Variants in ELOVL6 observed in about 807,000 individuals in gnomAD.
The protein encoded by ELOVL6 is ELOVL fatty acid elongase 6.
ELOVL6 carries 8 observed loss-of-function variants against 31.7 expected under a neutral mutation model. The ratio of observed to expected loss-of-function variants is 0.25; its 90% confidence interval spans 0.15 to 0.45. The LOEUF (loss-of-function observed/expected upper bound fraction) is 0.45. Ranked by LOEUF, ELOVL6 falls within the 20% of genes least tolerant of loss-of-function variation. The pLI, the probability that ELOVL6 is intolerant of heterozygous loss-of-function variation, is 1.00. For missense variants in ELOVL6, 126 were observed against 326.4 expected (o/e 0.39, Z 4.73); for synonymous variants, 101 against 117.7 (o/e 0.86, Z 0.92).
At chr4:110,186,093 G>A (rs1364178246) in intron 1 of ELOVL6, among the ~76,000 whole-genome samples, 1 of 152,104 alleles carries the variant, frequency 6.6e-6, no homozygotes, top group African/African-American at 2.4e-5. Flanking sequence ...AGGAGGCTGA[G>A]GCAGAAGAAT....
In ELOVL6 at chr4:110,091,042, C is replaced by T. The variant is rs148016705; in HGVS notation, c.221+14455G>A. 1.2e-3 allele frequency among the ~76,000 whole-genome samples: 184 copies of T among 152,224 alleles called. 1 individual carries two copies. In the South Asian group the frequency reaches 0.014, roughly 12 times the overall value. ...AGGATCAATACAATATTCACAGGTT[C>T]GGCAAATGGAGAGAAACAGACATAG... On this transcript the variant is annotated intron_variant, in intron 2 of 3. Transcript: ENST00000302274.
At chr4:110,063,614 A>C (rs562082234) in intron 2 of ELOVL6, among the ~76,000 whole-genome samples, 1 of 152,332 alleles carries the variant, frequency 6.6e-6, no homozygotes, top group East Asian at 1.9e-4. Context: ...TTCAAGTGAA[A>C]TGTATCTTTC....
intron 2 of ELOVL6, chr4:110,093,165 T>C (rs770123289): frequency 4.1e-5 from 18 of 439,672 alleles, no homozygotes; most frequent in South Asian, 2.8e-4. Context: ...AGAAGTCATA[T>C]TTTTGTCCAC....
chr4:110,180,901 C>G (rs369164631), intron 1 of ELOVL6, among the ~76,000 whole-genome samples: 12 of 152,108 alleles, frequency 7.9e-5, no homozygotes, highest in African/African-American at 1.9e-4. Flanking sequence ...CTTTGGGAAG[C>G]CAAGGCAGAA....
intron 1 of ELOVL6, among the ~76,000 whole-genome samples, chr4:110,120,125 G>T (rs1757300855): frequency 6.6e-6 from 1 of 152,146 alleles, no homozygotes; most frequent in African/African-American, 2.4e-5. Context: ...CTTTGAGAAT[G>T]CATTATGGGG....
intron 1 of ELOVL6, among the ~76,000 whole-genome samples, chr4:110,134,680 A>C (rs7667291): frequency 4.5e-4 from 68 of 152,068 alleles, no homozygotes; most frequent in African/African-American, 1.6e-3. Flanking sequence ...GATGATGTGA[A>C]CTGGGTGTGG....
chr4:110,132,270 C>G (rs938170805), intron 1 of ELOVL6, among the ~76,000 whole-genome samples: 2 of 152,008 alleles, frequency 1.3e-5, no homozygotes, highest in African/African-American at 4.8e-5. Flanking sequence ...GTATGAGTAA[C>G]CTGATAGAGA....
intron 1 of ELOVL6, among the ~76,000 whole-genome samples, chr4:110,155,444 T>C (rs886842104): frequency 6.6e-6 from 1 of 152,062 alleles, no homozygotes; most frequent in African/African-American, 2.4e-5. Context: ...AAAAAATAAT[T>C]TTTCAATCTA....
At chr4:110,082,997 G>A (rs995479675) in intron 2 of ELOVL6, among the ~76,000 whole-genome samples, 1 of 151,474 alleles carries the variant, frequency 6.6e-6, no homozygotes, top group Non-Finnish European at 1.5e-5. Flanking sequence ...TGCCCAACAT[G>A]AGCAAAACAA....
rs906353533 is a variant in ELOVL6 at position 110,047,362 on chromosome 4, A to C, written c.*3976T>G. On this transcript the variant is annotated 3_prime_UTR_variant, in exon 4 of 4. Coordinates refer to ENST00000302274, the MANE Select transcript of ELOVL6 (RefSeq NM_024090.3). ...CCAAAAAAAAAAAAAAGCCCTCAGA[A>C]TATGCCCTAGCTGCCTCGGTTGTGT... 6.6e-6 allele frequency: 1 copy of C among 151,864 alleles called. No homozygotes were observed. The highest frequency in any genetic ancestry group is 1.5e-5 in the Non-Finnish European group (1 of 67,988). The allele number at this position is 151,864 out of a possible 1,614,324, so 9.4% of individuals were successfully genotyped here.
chr4:110,121,604 C>T (rs1757359067), intron 1 of ELOVL6, among the ~76,000 whole-genome samples: 1 of 152,072 alleles, frequency 6.6e-6, no homozygotes, highest in Non-Finnish European at 1.5e-5. Flanking sequence ...GAGGCTGAGG[C>T]AGGAGAATGG....
chr4:110,095,178 G>T (rs981100565), intron 2 of ELOVL6, among the ~76,000 whole-genome samples: 1 of 152,078 alleles, frequency 6.6e-6, no homozygotes, highest in Non-Finnish European at 1.5e-5. Flanking sequence ...TAAGTGCAGC[G>T]TGTTCAAAGA....
chr4:110,137,281 T>G (rs1216250647), intron 1 of ELOVL6, among the ~76,000 whole-genome samples: 2 of 152,182 alleles, frequency 1.3e-5, no homozygotes, highest in African/African-American at 4.8e-5. Flanking sequence ...CTTAAGTAAC[T>G]AGCTGGTTGC....
intron 1 of ELOVL6, among the ~76,000 whole-genome samples, chr4:110,115,755 G>A (rs972951805): frequency 2.0e-5 from 3 of 152,154 alleles, no homozygotes; most frequent in African/African-American, 7.2e-5. Context: ...CAAACTGAAT[G>A]GCTTCTAACA....
At chr4:110,109,900 A>G (rs1477876724) in intron 1 of ELOVL6, among the ~76,000 whole-genome samples, 2 of 152,212 alleles carry the variant, frequency 1.3e-5, no homozygotes, top group Non-Finnish European at 2.9e-5. Flanking sequence ...CATGGCCTTC[A>G]TTATGGCTAC....
chr4:110,195,057 T>C (rs1265421991), intron 1 of ELOVL6, among the ~76,000 whole-genome samples: 1 of 152,198 alleles, frequency 6.6e-6, no homozygotes, highest in African/African-American at 2.4e-5. Context: ...TTTCCTCAAG[T>C]TCCTCTCTCC....
At chr4:110,091,170 C>A (rs1756419019) in intron 2 of ELOVL6, among the ~76,000 whole-genome samples, 1 of 152,080 alleles carries the variant, frequency 6.6e-6, no homozygotes, top group Non-Finnish European at 1.5e-5. Flanking sequence ...GGATCCATGT[C>A]CTTAAGGAGA....
chr4:110,150,808 C>T (rs576773684), intron 1 of ELOVL6, among the ~76,000 whole-genome samples: 4 of 152,096 alleles, frequency 2.6e-5, no homozygotes, highest in South Asian at 4.2e-4. Context: ...TTTGGGAAGC[C>T]GAGGTGGACG....
chr4:110,194,035 C>T (rs528318305), intron 1 of ELOVL6, among the ~76,000 whole-genome samples: 36 of 152,196 alleles, frequency 2.4e-4, no homozygotes, highest in Non-Finnish European at 4.9e-4. Flanking sequence ...CAACTAGCAT[C>T]CACTGCTGTT....
Sources: gnomAD v4.1 joint callset for allele counts (sites outside exome capture counted in the v4.1 genomes callset) on GRCh38, gnomAD v4.1.1 for gene constraint, MANE v1.5 for transcripts, NCBI Gene and HGNC (gene_info 2026-07-23, HGNC 2026-07-21) for gene names.